The following LCOR variants were observed in gnomAD, a reference collection of about 807,000 sequenced individuals.
The protein encoded by LCOR is ligand dependent nuclear receptor corepressor.
In LCOR, 14 loss-of-function variants were observed where a neutral mutation model predicts 64.4. The observed-to-expected ratio is 0.22, with a 90% CI of 0.14 to 0.34. The LOEUF (loss-of-function observed/expected upper bound fraction) is 0.34. LCOR is among the 10% of genes least tolerant of loss of function. The pLI, the probability that LCOR is intolerant of heterozygous loss-of-function variation, is 1.00. For missense variants in LCOR, 1,686 were observed against 1,765.3 expected (o/e 0.96, Z 0.80); for synonymous variants, 643 against 642.5 (o/e 1.00, Z -0.01).
In LCOR at chr10:96,983,250, C is replaced by T. The variant is rs1848110948; in HGVS notation, c.2790C>T (p.Ser930=). The change falls in exon 8 of 8, where the codon AGC becomes AGT. Residue 930 remains serine (S), a synonymous_variant. Transcript: ENST00000421806. This position sits in a 1 kb window ranked among gnomAD's most constrained non-coding sequence, Gnocchi z 4.5. ...VKELRGEIFP[S]RDPITTAGQP... ...AGTTACGAGGAGAGATTTTCCCCAG[C>T]AGGGACCCCATAACCACAGCTGGAC... 6.2e-7 allele frequency: 1 copy of T among 1,614,070 alleles called. No homozygotes were observed. The highest frequency in any genetic ancestry group is 1.3e-5 in the African/African-American group (1 of 74,924).
At position 96,986,473 on chromosome 10, in the gene LCOR, C is replaced by G. The variant is rs149396555; in HGVS notation, c.*1339C>G. ...GAATGTACTTGTTGGAGTAGACGTTCATTCTGATTGATTAACACCATCCTA... is the reference window on the plus strand; with the variant it reads ...GAATGTACTTGTTGGAGTAGACGTTGATTCTGATTGATTAACACCATCCTA... On this transcript the variant is annotated 3_prime_UTR_variant, in exon 8 of 8. Transcript: ENST00000421806. 4.8e-4 allele frequency: 73 copies of G among 152,348 alleles called. No individual in the cohort carries two copies. The highest frequency in any genetic ancestry group is 1.7e-3 in the African/African-American group (71 of 41,562). 9.4% of individuals were successfully genotyped at this position (152,348 alleles called of 1,614,324 possible).
chr10:96,872,536 T>A (rs1244904045), intron 2 of LCOR, among the ~76,000 whole-genome samples: 1 of 152,004 alleles, frequency 6.6e-6, no homozygotes, highest in Non-Finnish European at 1.5e-5. Context: ...CTACAAAAAA[T>A]CAGCTGGGCT....
intron 4 of LCOR, among the ~76,000 whole-genome samples, chr10:96,924,871 C>G (rs1407125087): frequency 1.3e-5 from 2 of 151,938 alleles, no homozygotes; most frequent in African/African-American, 4.8e-5. Flanking sequence ...GAAAGTTAAC[C>G]CTGATATAAT....
chr10:96,875,377 A>T (rs1044714438), intron 2 of LCOR, among the ~76,000 whole-genome samples: 20 of 148,330 alleles, frequency 1.3e-4, no homozygotes, highest in Non-Finnish European at 2.1e-4. Context: ...TGTCTCAAAT[A>T]AAAAAAAAAA....
Position 96,864,698 on chromosome 10 carries a change from T to C in LCOR, c.-330+31219T>C, listed in dbSNP as rs140711555. Among the ~76,000 whole-genome samples the C allele has an allele frequency of 2.0e-3, 298 of 152,358 alleles. 2 individuals are homozygous for C. The highest frequency in any genetic ancestry group is 3.6e-3 in the Non-Finnish European group (245 of 68,022). The stretch of plus-strand genomic sequence containing the variant: ...CAGTAATCTTGTAAGATTATAATAC[T>C]GTATTTTTACTATACCTTTTCTGTG... On this transcript the variant is annotated intron_variant, in intron 2 of 7. Coordinates refer to ENST00000421806, the MANE Select transcript of LCOR (RefSeq NM_001346516.2).
chr10:96,977,446 C>T (rs569687480), intron 7 of LCOR, among the ~76,000 whole-genome samples: 2 of 152,136 alleles, frequency 1.3e-5, no homozygotes, highest in East Asian at 3.9e-4. Context: ...AAATAATAGC[C>T]AGACTTCAGT....
intron 7 of LCOR, chr10:96,956,188 C>A: frequency 8.3e-7 from 1 of 1,199,534 alleles, no homozygotes; most frequent in South Asian, 2.7e-5. Context: ...AGAACAGATA[C>A]ATGGAAGTGG....
rs929914385 is a variant in LCOR, at chr10:96,990,680, T to G, written c.*5546T>G. On this transcript the variant is annotated 3_prime_UTR_variant, in exon 8 of 8. Transcript: ENST00000421806. Reference sequence around the variant, plus strand: ...AGCACTTTGTGGAGTGTGTCCTTGCTCAGGCTTTTGCCTTGGGATTGAACC... The same window carrying G: ...AGCACTTTGTGGAGTGTGTCCTTGCGCAGGCTTTTGCCTTGGGATTGAACC... 6.6e-6 allele frequency: 1 copy of G among 152,352 alleles called. No individual in the cohort carries two copies. The highest frequency in any genetic ancestry group is 2.1e-4 in the South Asian group (1 of 4,834). 9.4% of individuals were successfully genotyped at this position (152,352 alleles called of 1,614,324 possible).
chr10:96,931,579 C>A (rs72819858), intron 4 of LCOR, among the ~76,000 whole-genome samples: 1 of 152,040 alleles, frequency 6.6e-6, no homozygotes, highest in African/African-American at 2.4e-5. Context: ...CTTCTCCCTA[C>A]CACCTTCCAC....
chr10:96,975,280 A>G lies in LCOR; in HGVS notation c.333-5513A>G, dbSNP rs202043747. 3.9e-5 allele frequency among the ~76,000 whole-genome samples: 6 copies of G among 152,326 alleles called. No homozygotes were observed. The East Asian group carries it at 9.6e-4, about 24-fold the overall frequency. ...CAGCCAAAACTGATTTTATTGCTAT[A>G]TTGTAAAGTTAGCTGTTATAACAGG... On this transcript the variant is annotated intron_variant, in intron 7 of 7. Coordinates refer to ENST00000421806, the MANE Select transcript of LCOR (RefSeq NM_001346516.2).
chr10:96,935,679 T>A (rs917595182), intron 4 of LCOR, among the ~76,000 whole-genome samples: 3 of 152,046 alleles, frequency 2.0e-5, no homozygotes, highest in African/African-American at 4.8e-5. Context: ...CAAAATATTT[T>A]AAAAATTAGC....
At chr10:96,870,701 C>T (rs981469243) in intron 2 of LCOR, among the ~76,000 whole-genome samples, 3 of 152,208 alleles carry the variant, frequency 2.0e-5, no homozygotes, top group Non-Finnish European at 4.4e-5. Context: ...ATTCTTTCAT[C>T]ATGTCTGTGC....
At position 96,924,375 on chromosome 10, in the gene LCOR, TTTTGTTTG is replaced by T. The variant is rs72393708; in HGVS notation, c.-184+16656_-184+16663del. ...GTGCCTCTACGCCCAGCCAATTTGT[TTTTGTTTG>T]TTTGTTTGTTTGTTTGTTTGTTTGT... is the stretch of plus-strand genomic sequence containing the variant. On this transcript the variant is annotated intron_variant, in intron 4 of 7. Coordinates refer to ENST00000421806, the MANE Select transcript of LCOR (RefSeq NM_001346516.2). 9.9e-3 allele frequency among the ~76,000 whole-genome samples: 1,484 copies of T among 149,854 alleles called. 18 individuals carry two copies. The highest frequency in any genetic ancestry group is 0.031 in the South Asian group (143 of 4,674).
chr10:96,976,351 A>G (rs897677370), intron 7 of LCOR, among the ~76,000 whole-genome samples: 2 of 152,106 alleles, frequency 1.3e-5, no homozygotes, highest in Non-Finnish European at 2.9e-5. Flanking sequence ...ACTGTTTTTT[A>G]GTATCCACAT....
Position 96,833,484 on chromosome 10 carries a change from G to A in LCOR, c.-330+5G>A. On this transcript the variant is annotated splice_donor_5th_base_variant and intron_variant, in intron 2 of 7. Transcript: ENST00000421806. ...TATTTAACCCCCCTCCAAAAAGTAA[G>A]TGGCCCGTGTGGTGTCTCCGCTCCG... 1 of 984,698 alleles carries A rather than the reference G, an allele frequency of 1.0e-6. No homozygotes were observed. Among genetic ancestry groups the A allele is most frequent in the Non-Finnish European group, 1.2e-6 (1 of 828,856 alleles). 61.0% of individuals were successfully genotyped at this position (984,698 alleles called of 1,614,324 possible). A position where few individuals can be genotyped will look rare whatever the true frequency, so the allele number is the denominator to read the frequency against.
intron 7 of LCOR, chr10:96,959,850 A>G (rs1342509723): frequency 6.6e-6 from 1 of 152,206 alleles, no homozygotes; most frequent in Non-Finnish European, 1.5e-5. Flanking sequence ...GAAGTTAATT[A>G]CTGTTCAGTT....
At chr10:96,887,431 C>T (rs1022349515) in intron 2 of LCOR, among the ~76,000 whole-genome samples, 4 of 151,694 alleles carry the variant, frequency 2.6e-5, no homozygotes, top group South Asian at 2.1e-4. Context: ...GGCGTCGTGG[C>T]GGGCGCCTGT....
intron 2 of LCOR, among the ~76,000 whole-genome samples, chr10:96,867,821 A>C (rs975838350): frequency 3.9e-5 from 6 of 152,046 alleles, no homozygotes; most frequent in African/African-American, 1.4e-4. Context: ...ATTTTAGAAT[A>C]TTTTGTCTGT....
intron 7 of LCOR, among the ~76,000 whole-genome samples, chr10:96,973,423 G>T (rs941311642): frequency 6.6e-6 from 1 of 152,188 alleles, no homozygotes; most frequent in African/African-American, 2.4e-5. Flanking sequence ...TACAACAGAT[G>T]TGAAATAGCC....
Sources: allele counts gnomAD v4.1 joint callset (sites outside exome capture counted in the v4.1 genomes callset), GRCh38; gene constraint gnomAD v4.1.1; non-coding constraint Gnocchi (gnomAD v3.1); transcripts MANE v1.5; gene names NCBI Gene and HGNC (gene_info 2026-07-23, HGNC 2026-07-21).